The following PLCL2 variants were observed in gnomAD, a reference collection of about 807,000 sequenced individuals.
PLCL2 encodes phospholipase C like 2, also known as inactive phospholipase C-like protein 2.
Under a neutral mutation model 79.6 loss-of-function variants are expected in PLCL2, and 4 were observed. The observed-to-expected ratio is 0.05, with a 90% CI of 0.02 to 0.11. The LOEUF (loss-of-function observed/expected upper bound fraction) is 0.11, where lower values mean the gene tolerates loss of function less well. Ranked by LOEUF, PLCL2 falls within the 10% of genes least tolerant of loss-of-function variation. PLCL2 has a pLI of 1.00. For synonymous variants in PLCL2, 484 were observed against 457.7 expected (o/e 1.06, Z -0.73); for missense variants, 895 against 1,291.0 (o/e 0.69, Z 4.70).
intron 5 of PLCL2, among the ~76,000 whole-genome samples, chr3:17,074,067 T>G (rs1285060102): frequency 6.6e-6 from 1 of 152,214 alleles, no homozygotes; most frequent in Non-Finnish European, 1.5e-5. Context: ...TTCCAGAAGG[T>G]CTTCAATTTA....
chr3:17,024,826 G>A (rs1017647869), intron 3 of PLCL2, among the ~76,000 whole-genome samples: 2 of 152,194 alleles, frequency 1.3e-5, no homozygotes, highest in Non-Finnish European at 2.9e-5. Context: ...GACCCATGTT[G>A]CTCCTTGATC....
At chr3:17,079,409 A>G (rs2065140328) in intron 5 of PLCL2, among the ~76,000 whole-genome samples, 1 of 152,162 alleles carries the variant, frequency 6.6e-6, no homozygotes, top group Non-Finnish European at 1.5e-5. Context: ...CCACTGTCCT[A>G]CTGCATGGTG....
chr3:16,928,350 C>G (rs1697306956), intron 1 of PLCL2, among the ~76,000 whole-genome samples: 1 of 152,124 alleles, frequency 6.6e-6, no homozygotes, highest in South Asian at 2.1e-4. Context: ...TTTGGGAGAC[C>G]AGGCAGTAGA....
intron 4 of PLCL2, among the ~76,000 whole-genome samples, chr3:17,059,803 A>G (rs2064929907): frequency 1.3e-5 from 2 of 152,302 alleles, no homozygotes; most frequent in South Asian, 4.1e-4. Context: ...TTCAGTTTAT[A>G]CTTTTAAAAT....
At chr3:16,995,534 T>C (rs1218947064) in intron 1 of PLCL2, among the ~76,000 whole-genome samples, 2 of 152,206 alleles carry the variant, frequency 1.3e-5, no homozygotes, top group Non-Finnish European at 2.9e-5. Flanking sequence ...AACATTGCAG[T>C]CTCTTTACTA....
intron 1 of PLCL2, among the ~76,000 whole-genome samples, chr3:16,941,953 A>G (rs1230249004): frequency 6.6e-6 from 1 of 152,142 alleles, no homozygotes; most frequent in African/African-American, 2.4e-5. Context: ...TAAACTCCTT[A>G]AGAACCGGGA....
intron 3 of PLCL2, among the ~76,000 whole-genome samples, chr3:17,029,037 G>T (rs2064549512): frequency 6.6e-6 from 1 of 152,136 alleles, no homozygotes; most frequent in African/African-American, 2.4e-5. Flanking sequence ...GGGGAAGGGG[G>T]CGCAGAGGGT....
chr3:17,006,995 G>A (rs3924971), intron 1 of PLCL2, among the ~76,000 whole-genome samples: 87,536 of 152,064 alleles, frequency 0.58, 25,448 homozygotes, highest in South Asian at 0.64. Context: ...TACAATGTTG[G>A]GAAAATACTA....
chr3:16,945,844 C>G (rs763763029), intron 1 of PLCL2, among the ~76,000 whole-genome samples: 1 of 152,212 alleles, frequency 6.6e-6, no homozygotes, highest in Non-Finnish European at 1.5e-5. Context: ...CTTTCTGACC[C>G]AAGCGCCATT....
intron 1 of PLCL2, among the ~76,000 whole-genome samples, chr3:16,930,488 C>A (rs1697366922): frequency 6.6e-6 from 1 of 152,160 alleles, no homozygotes; most frequent in South Asian, 2.1e-4. Context: ...CTGATTATAT[C>A]TCTGTTTTGA....
rs1301519662 is a variant in PLCL2 at position 16,964,219 on chromosome 3, G to C, written c.328-45455G>C. Among the ~76,000 whole-genome samples, 3 of 134,516 alleles carry C rather than the reference G, an allele frequency of 2.2e-5. No individual in the cohort carries two copies. In the East Asian group the frequency reaches 6.5e-4, roughly 29 times the overall value. 88.2% of individuals were successfully genotyped at this position (134,516 alleles called of 152,430 possible). ...CCCAGTGTCATGTTCCCCTTCCTGT[G>C]TCTAAGTGTTCTCATTGTTCAGTTG... is the stretch of plus-strand genomic sequence containing the variant. On this transcript the variant is annotated intron_variant, in intron 1 of 5. Coordinates refer to ENST00000615277, the MANE Select transcript of PLCL2 (RefSeq NM_001144382.2).
At chr3:16,940,489 G>T (rs777677632) in intron 1 of PLCL2, among the ~76,000 whole-genome samples, 1 of 152,186 alleles carries the variant, frequency 6.6e-6, no homozygotes, top group African/African-American at 2.4e-5. Flanking sequence ...GGTACTGGGG[G>T]CTAGAGGGTG....
chr3:16,981,389 A>G (rs1184173935), intron 1 of PLCL2, among the ~76,000 whole-genome samples: 2 of 152,196 alleles, frequency 1.3e-5, no homozygotes, highest in East Asian at 3.8e-4. Flanking sequence ...GTCTAGAAAA[A>G]GAGTCAACAG....
At chr3:16,926,161 A>G (rs1697245057) in intron 1 of PLCL2, among the ~76,000 whole-genome samples, 3 of 152,238 alleles carry the variant, frequency 2.0e-5, no homozygotes, top group Admixed American at 1.3e-4. Context: ...CATGCCCATC[A>G]GAATTAAGTC....
At chr3:17,044,039 A>G (rs1241925934) in intron 4 of PLCL2, 1 of 152,322 alleles carries the variant, frequency 6.6e-6, no homozygotes, top group Non-Finnish European at 1.5e-5. Context: ...CACAGTAAAT[A>G]TATTGAATAC....
intron 1 of PLCL2, among the ~76,000 whole-genome samples, chr3:16,961,869 C>T (rs1343326469): frequency 6.6e-6 from 1 of 152,160 alleles, no homozygotes; most frequent in East Asian, 1.9e-4. Flanking sequence ...GGGAAAGGGT[C>T]TGAGACAGCT....
At chr3:16,991,578 C>A (rs960493483) in intron 1 of PLCL2, among the ~76,000 whole-genome samples, 1 of 152,086 alleles carries the variant, frequency 6.6e-6, no homozygotes, top group East Asian at 1.9e-4. Context: ...ACTCAAGGAA[C>A]CTTCCAGTTT....
At position 17,067,237 on chromosome 3, in the gene PLCL2, G is replaced by A. The variant is rs182408799; in HGVS notation, c.3095-719G>A. Among the ~76,000 whole-genome samples the A allele has an allele frequency of 1.6e-3, 244 of 152,078 alleles. 1 individual carries two copies. The highest frequency in any genetic ancestry group is 5.4e-3 in the African/African-American group (225 of 41,512). On this transcript the variant is annotated intron_variant, in intron 4 of 5. Transcript: ENST00000615277. ...TAAGAATGTTTAAATTGGATTCAGC[G>A]GTCTTACTATTAGAGTTATATTGGT...
chr3:16,962,587 C>A (rs1463228532), intron 1 of PLCL2, among the ~76,000 whole-genome samples: 3 of 152,076 alleles, frequency 2.0e-5, no homozygotes, highest in Non-Finnish European at 4.4e-5. Flanking sequence ...TAATCCTTAT[C>A]CTGCCCTGTG....
Sources: allele counts gnomAD v4.1 joint callset (sites outside exome capture counted in the v4.1 genomes callset), GRCh38; gene constraint gnomAD v4.1.1; transcripts MANE v1.5; gene names NCBI Gene and HGNC (gene_info 2026-07-23, HGNC 2026-07-21).